The following SPATA7 variants were observed in gnomAD, a reference collection of about 807,000 sequenced individuals.
The protein encoded by SPATA7 is spermatogenesis-associated protein 7.
SPATA7 carries 43 observed loss-of-function variants against 51.8 expected under a neutral mutation model. The observed-to-expected ratio is 0.83, with a 90% CI of 0.65 to 1.07. The LOEUF (loss-of-function observed/expected upper bound fraction) is 1.07. Ranked by LOEUF, SPATA7 falls within the 50% of genes least tolerant of loss-of-function variation. The pLI, the probability that SPATA7 is intolerant of heterozygous loss-of-function variation, is 0.00. For synonymous variants in SPATA7, 230 were observed against 252.8 expected, an observed-to-expected ratio of 0.91 and a Z score of 0.86; for missense variants, 683 against 701.3, an observed-to-expected ratio of 0.97 and a Z score of 0.30.
At chr14:88,434,627 A>G (rs113332015) in intron 10 of SPATA7, among the ~76,000 whole-genome samples, 98 of 151,100 alleles carry the variant, frequency 6.5e-4, no homozygotes, top group African/African-American at 2.3e-3. Context: ...CGGAGGTTGC[A>G]GTGAGCTGAG....
At chr14:88,393,659 C>T (rs2075804326) in intron 3 of SPATA7, 171 bp downstream of exon 3, 2 of 529,126 alleles carry the variant, frequency 3.8e-6, no homozygotes, top group Admixed American at 3.5e-5. Context: ...CAAATTCATA[C>T]CCATTTTTGT....
rs184130287 is a variant in SPATA7, at chr14:88,460,760, G to A, written c.255-9087G>A. ...TGTTCCGTTGCTGGTAAGGAGCTGC[G>A]TTCCTTTGGAGGGGGAGAGGCGCTC... On this transcript the variant is annotated intron_variant, in intron 4 of 4. Coordinates refer to the SPATA7 transcript ENST00000556406. Among the ~76,000 whole-genome samples the A allele has an allele frequency of 1.0e-3, 155 of 152,292 alleles. 2 individuals carry two copies. The highest frequency in any genetic ancestry group is 3.3e-3 in the African/African-American group (136 of 41,552).
downstream of SPATA7, among the ~76,000 whole-genome samples, chr14:88,460,198 C>A (rs1286983005): frequency 2.6e-5 from 4 of 152,094 alleles, no homozygotes; most frequent in Non-Finnish European, 5.9e-5. Context: ...TGGAGTTGCT[C>A]TTCTCGAGGA....
intron 4 of SPATA7, among the ~76,000 whole-genome samples, chr14:88,411,490 C>T (rs1269499973): frequency 6.6e-6 from 1 of 152,120 alleles, no homozygotes; most frequent in African/African-American, 2.4e-5. Flanking sequence ...AACCCAGGGC[C>T]TTGGTGGTGT....
chr14:88,407,663 T>C (rs1174094226), intron 4 of SPATA7, among the ~76,000 whole-genome samples: 1 of 152,242 alleles, frequency 6.6e-6, no homozygotes, highest in Non-Finnish European at 1.5e-5. Context: ...TTTGGTGTTT[T>C]AGTCATGAAG....
intron 4 of SPATA7, among the ~76,000 whole-genome samples, 182 bp downstream of exon 4, chr14:88,396,385 G>T (rs1450832524): frequency 6.6e-6 from 1 of 152,002 alleles, no homozygotes; most frequent in Non-Finnish European, 1.5e-5. Flanking sequence ...TGAAATTCCT[G>T]TGCCACATAA....
chr14:88,426,655 A>G lies in SPATA7; in HGVS notation c.796A>G (p.Lys266Glu). ...CTATTATACACCTGCCAAAAGAAAAAAGGATTTTACAGATCAACGGATAGA... is the reference window on the plus strand; with the variant it reads ...CTATTATACACCTGCCAAAAGAAAAGAGGATTTTACAGATCAACGGATAGA... The part of the protein sequence containing the change: ...YRYYTPAKRK[K>E]DFTDQRIEAE... The change falls in exon 6 of 12, where the codon AAG becomes GAG. Residue 266 changes from lysine (K) to glutamate (E), a missense_variant. Transcript: ENST00000393545. 4 of 1,613,956 alleles carry G rather than the reference A, an allele frequency of 2.5e-6. No individual in the cohort carries two copies. The highest frequency in any genetic ancestry group is 3.4e-6 in the Non-Finnish European group (4 of 1,180,028).
Position 88,461,162 on chromosome 14 carries a change from C to T in SPATA7, c.255-8685C>T, listed in dbSNP as rs186269617. 1.9e-3 allele frequency among the ~76,000 whole-genome samples: 294 copies of T among 152,320 alleles called. 2 individuals are homozygous for T. The highest frequency in any genetic ancestry group is 0.014 in the South Asian group (67 of 4,830). On this transcript the variant is annotated intron_variant, in intron 4 of 4. Transcript: ENST00000556406. ...GTTAGGCTACTCGGGGGTCAGGGAC[C>T]CACTTGAGGGGGCAGTCTGTCCGTT... is the stretch of plus-strand genomic sequence containing the variant.
chr14:88,406,493 A>C (rs1367627702), intron 4 of SPATA7, among the ~76,000 whole-genome samples: 1 of 151,780 alleles, frequency 6.6e-6, no homozygotes, highest in East Asian at 1.9e-4. Context: ...AATTCTATTA[A>C]ATAAATATAT....
At chr14:88,407,226 C>A (rs2076223449) in intron 4 of SPATA7, among the ~76,000 whole-genome samples, 1 of 152,186 alleles carries the variant, frequency 6.6e-6, no homozygotes, top group Non-Finnish European at 1.5e-5. Context: ...AATTTACAGT[C>A]CCACTAACAG....
In SPATA7 at chr14:88,462,744, A is replaced by G. The variant is rs148298519; in HGVS notation, c.255-7103A>G. Among the ~76,000 whole-genome samples the G allele has an allele frequency of 1.1e-3, 168 of 152,352 alleles. 5 individuals are homozygous for G. In the East Asian group the frequency reaches 0.029, roughly 26 times the overall value. On this transcript the variant is annotated intron_variant, in intron 4 of 4. Transcript: ENST00000556406. ...CGTTTATTTGACACACCACAAAGTC[A>G]TTTAATGAAAGTTAAGGAATAATGA...
intron 4 of SPATA7, among the ~76,000 whole-genome samples, chr14:88,462,187 G>T (rs1301529785): frequency 1.3e-5 from 2 of 152,074 alleles, no homozygotes; most frequent in Non-Finnish European, 2.9e-5. Flanking sequence ...AAACTTCCAG[G>T]ATAAAAAAAT....
intron 4 of SPATA7, chr14:88,468,911 A>T: frequency 6.2e-7 from 1 of 1,614,040 alleles, no homozygotes; most frequent in Non-Finnish European, 8.5e-7. Context: ...CATAAGCGCC[A>T]TCACCTCATT....
At position 88,396,142 on chromosome 14, in the gene SPATA7, C is replaced by A. The variant is rs60770744; in HGVS notation, c.191-14C>A. ...TACTGACAATATTATTAAACTATTA[C>A]CTTTCTCTTTCAGCTGCAGTAGACT... On this transcript the variant is annotated splice_polypyrimidine_tract_variant and intron_variant, in intron 3 of 11. Coordinates refer to ENST00000393545, the MANE Select transcript of SPATA7 (RefSeq NM_018418.5). The A allele has an allele frequency of 7.2e-3, 11,470 of 1,599,440 alleles. 583 individuals carry two copies. The African/African-American group carries it at 0.12, about 17-fold the overall frequency.
intron 8 of SPATA7, 102 bp downstream of exon 8, chr14:88,429,565 C>A: frequency 2.8e-6 from 2 of 709,364 alleles, no homozygotes; most frequent in Non-Finnish European, 4.9e-6. Context: ...ATTGCATGCT[C>A]CAATCTATTT....
Position 88,469,680 on chromosome 14 carries a change from G to T in SPATA7, c.255-167G>T. ...TAAACCTTCCATAGGTGACAGTGTT[G>T]TGCCTGGAACCAAGTCGTGGCCAGT... is the stretch of plus-strand genomic sequence containing the variant. On this transcript the variant is annotated intron_variant, in intron 4 of 4. Coordinates refer to the SPATA7 transcript ENST00000556406. The surrounding 1 kb of genome is among the most constrained non-coding windows in gnomAD (Gnocchi z 4.3). 4.3e-6 allele frequency: 7 copies of T among 1,614,150 alleles called. No homozygotes were observed. The Admixed American group carries it at 1.2e-4, about 27-fold the overall frequency.
chr14:88,425,401 A>G (rs2076761531), intron 5 of SPATA7, among the ~76,000 whole-genome samples: 1 of 152,150 alleles, frequency 6.6e-6, no homozygotes. Flanking sequence ...GCGATTTTTA[A>G]CCTCAATTTC....
intron 4 of SPATA7, among the ~76,000 whole-genome samples, chr14:88,397,605 T>G (rs1208781399): frequency 1.4e-5 from 2 of 147,886 alleles, no homozygotes; most frequent in Admixed American, 6.8e-5. Context: ...ATCATGCCAC[T>G]GCACTCTGGC....
intron 4 of SPATA7, among the ~76,000 whole-genome samples, chr14:88,398,796 TAATCCCAGC>T (rs1288992758): frequency 2.6e-5 from 4 of 152,088 alleles, no homozygotes; most frequent in African/African-American, 9.7e-5. Flanking sequence ...CTCATGCCTG[TAATCCCAGC>T]ACTTTGGGAG....
Sources: allele counts gnomAD v4.1 joint callset (sites outside exome capture counted in the v4.1 genomes callset), GRCh38; gene constraint gnomAD v4.1.1; non-coding constraint Gnocchi (gnomAD v3.1); transcripts MANE v1.5; gene names NCBI Gene and HGNC (gene_info 2026-07-23, HGNC 2026-07-21).